Variants in SPIDR observed in about 807,000 individuals in gnomAD.
SPIDR encodes the protein DNA repair-scaffolding protein.
SPIDR carries 93 observed loss-of-function variants against 104.6 expected under a neutral mutation model. The observed-to-expected ratio is 0.89, with a 90% CI of 0.75 to 1.06. SPIDR has a LOEUF of 1.06. SPIDR is among the 50% of genes least tolerant of loss of function. The pLI is 0.00. For missense variants in SPIDR, 1,154 were observed against 1,111.2 expected (o/e 1.04, Z -0.55); for synonymous variants, 431 against 416.9 (o/e 1.03, Z -0.41).
chr8:47,302,289 G>C (rs1233285903), intron 5 of SPIDR, among the ~76,000 whole-genome samples: 1 of 152,098 alleles, frequency 6.6e-6, no homozygotes, highest in Non-Finnish European at 1.5e-5. Context: ...GTGGTTTTCA[G>C]CTCCATGAGG....
At chr8:47,511,154 C>A in intron 8 of SPIDR, 1 of 1,557,232 alleles carries the variant, frequency 6.4e-7, no homozygotes, top group Non-Finnish European at 8.9e-7. Flanking sequence ...GCAGCCATGG[C>A]TGGCCGGGCA....
chr8:47,732,027 C>T lies in SPIDR; in HGVS notation c.2604+2562C>T, dbSNP rs571843751. 3.7e-5 allele frequency: 24 copies of T among 656,930 alleles called. 1 individual carries two copies. Among genetic ancestry groups the T allele is most frequent in the South Asian group, 2.9e-4 (17 of 58,602 alleles). 40.7% of individuals were successfully genotyped at this position (656,930 alleles called of 1,614,324 possible). ...CTCCATGCTACTCAGAAGGGTGGGA[C>T]GGTGCTGTGGCAGCAGCTGCCTGGC... On this transcript the variant is annotated intron_variant, in intron 19 of 19. Coordinates refer to ENST00000297423, the MANE Select transcript of SPIDR (RefSeq NM_001080394.4).
chr8:47,678,317 C>T (rs891006482), intron 11 of SPIDR, among the ~76,000 whole-genome samples: 3 of 152,156 alleles, frequency 2.0e-5, no homozygotes, highest in Admixed American at 2.0e-4. Context: ...TGGAGTAAGA[C>T]TGTCTACTCC....
At chr8:47,671,551 C>A (rs2075796615) in intron 10 of SPIDR, among the ~76,000 whole-genome samples, 1 of 150,140 alleles carries the variant, frequency 6.7e-6, no homozygotes, top group South Asian at 2.1e-4. Context: ...CTCCACTGCA[C>A]CCCAGCCTGG....
intron 8 of SPIDR, among the ~76,000 whole-genome samples, chr8:47,473,636 A>G (rs192927856): frequency 7.2e-5 from 11 of 152,228 alleles, no homozygotes; most frequent in African/African-American, 1.4e-4. Context: ...AGCACATTCA[A>G]TAGGATCTGT....
At chr8:47,501,216 C>G (rs2080369163) in intron 8 of SPIDR, among the ~76,000 whole-genome samples, 1 of 152,194 alleles carries the variant, frequency 6.6e-6, no homozygotes, top group Admixed American at 6.5e-5. Flanking sequence ...GGCATTGAAT[C>G]TATAAATTAC....
intron 11 of SPIDR, among the ~76,000 whole-genome samples, chr8:47,688,867 T>C (rs1030209143): frequency 1.3e-5 from 2 of 152,254 alleles, no homozygotes; most frequent in African/African-American, 4.8e-5. Context: ...ATTATCTTTT[T>C]TCTGGCCTGC....
intron 8 of SPIDR, among the ~76,000 whole-genome samples, chr8:47,501,481 G>A (rs999438320): frequency 2.6e-5 from 4 of 152,080 alleles, no homozygotes; most frequent in Non-Finnish European, 5.9e-5. Context: ...TGTGATTTTT[G>A]CACATTGATT....
chr8:47,279,934 C>G lies in SPIDR; in HGVS notation c.106C>G (p.Leu36Val). The change falls in exon 2 of 20, where the codon CTC becomes GTC. Residue 36 changes from leucine (L) to valine (V), a missense_variant. Physicochemically the swap from Leu to Val is conservative, Grantham distance 32 (BLOSUM62 1). Transcript: ENST00000297423. Reference sequence around the variant, plus strand: ...ACCACTGCAGGTCAGAAGAGCAGGTCTCAGGACAGCAGGGGCAGCTGCCTC... The same window carrying G: ...ACCACTGCAGGTCAGAAGAGCAGGTGTCAGGACAGCAGGGGCAGCTGCCTC... ...ERPLQVRRAG[L>V]RTAGAAASLS... is the part of the protein sequence containing the mutation. 2.5e-6 allele frequency: 4 copies of G among 1,614,124 alleles called. No individual in the cohort carries two copies. Among genetic ancestry groups the G allele is most frequent in the South Asian group, 1.1e-5 (1 of 91,076 alleles).
rs1417922450 is a variant in SPIDR, at chr8:47,394,119, C to T, written c.526-2257C>T. 7.2e-5 allele frequency among the ~76,000 whole-genome samples: 11 copies of T among 152,142 alleles called. No homozygotes were observed. In the East Asian group the frequency reaches 2.1e-3, roughly 29 times the overall value. On this transcript the variant is annotated intron_variant, in intron 5 of 19. Coordinates refer to ENST00000297423, the MANE Select transcript of SPIDR (RefSeq NM_001080394.4). ...ACAGAGCTTCGCCATGTTGGCCAGG[C>T]TGCTTTCAAACTCCTGGCCTCAAGT...
At chr8:47,647,616 A>AGAGAGAGAGAGAG (rs2070674174) in intron 10 of SPIDR, among the ~76,000 whole-genome samples, 1 of 60,458 alleles carries the variant, frequency 1.7e-5, no homozygotes, top group East Asian at 4.2e-4. Flanking sequence ...TCCATCTCGA[A>AGAGAGAGAGAGAG]AGAGAGAGAG....
At chr8:47,452,677 A>C (rs571226971) in intron 8 of SPIDR, among the ~76,000 whole-genome samples, 17 of 152,234 alleles carry the variant, frequency 1.1e-4, no homozygotes, top group African/African-American at 4.1e-4. Context: ...CATGCTAAAA[A>C]CTCTCAATAA....
intron 5 of SPIDR, among the ~76,000 whole-genome samples, chr8:47,363,541 C>G (rs930776923): frequency 5.7e-4 from 86 of 151,450 alleles, no homozygotes; most frequent in African/African-American, 2.0e-3. Context: ...GTATTTCAGA[C>G]TCTTCACTCT....
chr8:47,373,430 A>G (rs780017594), intron 5 of SPIDR, among the ~76,000 whole-genome samples: 1 of 152,102 alleles, frequency 6.6e-6, no homozygotes, highest in Non-Finnish European at 1.5e-5. Flanking sequence ...GGAGATGTGC[A>G]TTCAAAGTAC....
intron 10 of SPIDR, among the ~76,000 whole-genome samples, chr8:47,625,545 G>T (rs1246796692): frequency 6.6e-6 from 1 of 152,138 alleles, no homozygotes; most frequent in Non-Finnish European, 1.5e-5. Flanking sequence ...AAAGTCTCAG[G>T]ATACAAAATC....
At chr8:47,552,234 G>T (rs1587643841) in intron 8 of SPIDR, among the ~76,000 whole-genome samples, 1 of 152,206 alleles carries the variant, frequency 6.6e-6, no homozygotes, top group Non-Finnish European at 1.5e-5. Flanking sequence ...GTGCTGAGAA[G>T]AATATATAAT....
intron 8 of SPIDR, among the ~76,000 whole-genome samples, chr8:47,464,004 C>G (rs1714089122): frequency 1.3e-5 from 2 of 151,802 alleles, no homozygotes; most frequent in Non-Finnish European, 1.5e-5. Flanking sequence ...AAGTTCTGAC[C>G]AAAGCACTTA....
intron 11 of SPIDR, among the ~76,000 whole-genome samples, chr8:47,683,534 G>T (rs1178034423): frequency 2.0e-5 from 3 of 152,224 alleles, no homozygotes; most frequent in African/African-American, 7.2e-5. Context: ...CCCAGTACAA[G>T]TTGAGCATCC....
In SPIDR at chr8:47,333,639, A is replaced by G. The variant is rs1554606230; in HGVS notation, c.525+39609A>G. 2.0e-5 allele frequency among the ~76,000 whole-genome samples: 3 copies of G among 152,212 alleles called. No homozygotes were observed. In the East Asian group the frequency reaches 5.8e-4, roughly 29 times the overall value. ...TCAAAATAATGATAAAAAGTATAGT[A>G]TAGTAAATACATAGATTAGTACCAT... On this transcript the variant is annotated intron_variant, in intron 5 of 19. Transcript: ENST00000297423.
Sources: allele counts gnomAD v4.1 joint callset (sites outside exome capture counted in the v4.1 genomes callset), GRCh38; gene constraint gnomAD v4.1.1; transcripts MANE v1.5; gene names NCBI Gene and HGNC (gene_info 2026-07-23, HGNC 2026-07-21).